KPNA7: variants seen among roughly 807,000 people sequenced by gnomAD.
KPNA7 encodes the protein karyopherin subunit alpha 7.
In KPNA7, 54 loss-of-function variants were observed where a neutral mutation model predicts 53.7. That is an observed-to-expected ratio of 1.01 (90% CI 0.81 to 1.26). KPNA7 has a LOEUF of 1.26. Among genes scored for constraint, KPNA7 ranks in the 50% most tolerant of loss-of-function variants. The probability of loss-of-function intolerance (pLI) is 0.00; values close to 1 mark genes in which losing one functional copy is unlikely to be tolerated. For missense variants in KPNA7, 640 were observed against 644.5 expected (o/e 0.99, Z 0.07); for synonymous variants, 276 against 259.3 (o/e 1.06, Z -0.62).
intron 6 of KPNA7, among the ~76,000 whole-genome samples, chr7:99,191,710 C>T (rs1377992694): frequency 3.3e-5 from 5 of 152,012 alleles, no homozygotes; most frequent in Admixed American, 6.6e-5. Context: ...GGCACAGTGG[C>T]GCAACCTTGG....
chr7:99,186,866 T>TA (rs1278188057), intron 7 of KPNA7, among the ~76,000 whole-genome samples: 1 of 152,080 alleles, frequency 6.6e-6, no homozygotes, highest in Non-Finnish European at 1.5e-5. Flanking sequence ...AGATGATCAC[T>TA]AAGGCTGCAG....
chr7:99,163,477 C>T, the KPNA7 span, among the ~76,000 whole-genome samples: 7 of 134,978 alleles, frequency 5.2e-5, no homozygotes, highest in East Asian at 1.2e-3. Flanking sequence ...TAACCTTGAA[C>T]TCCTGGGTTC....
chr7:99,183,100 C>CA (rs1451911989), intron 8 of KPNA7, among the ~76,000 whole-genome samples: 15 of 151,926 alleles, frequency 9.9e-5, no homozygotes, highest in African/African-American at 3.6e-4. Flanking sequence ...TATTAAAATA[C>CA]AAAAAATTAG....
chr7:99,158,415 G>A, the KPNA7 span, among the ~76,000 whole-genome samples: 3 of 151,672 alleles, frequency 2.0e-5, no homozygotes, highest in Non-Finnish European at 4.4e-5. Context: ...TATATAATTT[G>A]ATCTTTTCTA....
At chr7:99,167,144 CGGAGCCTGCTGTTCACACACCT>C in the KPNA7 span, among the ~76,000 whole-genome samples, 1 of 152,212 alleles carries the variant, frequency 6.6e-6, no homozygotes, top group South Asian at 2.1e-4. Flanking sequence ...GCTCCAGCCA[CGGAGCCTGCTGTTCACACACCT>C]GGAGCCAGCT....
chr7:99,174,791 C>CA (rs933193811), intron 10 of KPNA7, among the ~76,000 whole-genome samples: 5 of 151,532 alleles, frequency 3.3e-5, no homozygotes, highest in African/African-American at 1.2e-4. Flanking sequence ...ATCAAACCCC[C>CA]TTTAAAAGAG....
intron 9 of KPNA7, among the ~76,000 whole-genome samples, chr7:99,180,643 G>A (rs1175065570): frequency 3.7e-5 from 4 of 108,802 alleles, no homozygotes; most frequent in South Asian, 3.5e-4. Flanking sequence ...CTCTCTCTCC[G>A]TCTCTGTCTC....
Position 99,195,126 on chromosome 7 carries a change from G to A in KPNA7, c.497C>T (p.Ser166Phe). The part of the protein sequence containing the change: ...GAIQPLIELL[S>F]SSNVAVCEQA... The stretch of plus-strand genomic sequence containing the variant: ...TTCACACACAGCCACGTTGGAGGAA[G>A]ACAGGAGCTCAATCAAGGGCTGGAT... The change falls in exon 5 of 11, where the codon TCT becomes TTT. Residue 166 changes from serine (S) to phenylalanine (F), a missense_variant. Physicochemically the swap from Ser to Phe is radical, Grantham distance 155. Transcript: ENST00000327442. 1 of 1,551,632 alleles carries A rather than the reference G, an allele frequency of 6.4e-7. No homozygotes were observed. The highest frequency in any genetic ancestry group is 2.4e-5 in the East Asian group (1 of 40,906).
At chr7:99,185,745 T>C (rs760106477) in intron 7 of KPNA7, among the ~76,000 whole-genome samples, 2 of 152,196 alleles carry the variant, frequency 1.3e-5, no homozygotes, top group Non-Finnish European at 2.9e-5. Context: ...GGACTTTTCA[T>C]ATGCTTTCAG....
intron 8 of KPNA7, among the ~76,000 whole-genome samples, chr7:99,184,722 T>C (rs1789486900): frequency 6.6e-6 from 1 of 152,196 alleles, no homozygotes. Context: ...CATTGAATAA[T>C]GCTTGTTCCG....
chr7:99,146,712 A>T, the KPNA7 span, among the ~76,000 whole-genome samples: 155 of 720 alleles, frequency 0.22, no homozygotes, highest in African/African-American at 0.31. Context: ...ACTGTGTCTT[A>T]AAAAAAAAAA....
At chr7:99,148,582 G>C in the KPNA7 span, among the ~76,000 whole-genome samples, 1 of 152,004 alleles carries the variant, frequency 6.6e-6, no homozygotes, top group Admixed American at 6.6e-5. Context: ...GTAGTCCCTA[G>C]ATTAATAACT....
chr7:99,207,729 G>C (rs1203442737), intron 1 of KPNA7, among the ~76,000 whole-genome samples: 3 of 138,192 alleles, frequency 2.2e-5, no homozygotes, highest in Admixed American at 8.2e-5. Context: ...TCCGCCTCCC[G>C]GGTTCAAGTG....
chr7:99,204,945 T>C (rs549461301), intron 2 of KPNA7, among the ~76,000 whole-genome samples: 85 of 152,324 alleles, frequency 5.6e-4, no homozygotes, highest in African/African-American at 2.0e-3. Context: ...GAGCCCATCA[T>C]ACTGTTGCCC....
intron 3 of KPNA7, among the ~76,000 whole-genome samples, chr7:99,201,642 G>A (rs1440604034): frequency 5.4e-5 from 8 of 148,878 alleles, no homozygotes; most frequent in South Asian, 2.2e-4. Context: ...CAGCCTGGGC[G>A]ACAGAGTGAG....
downstream of KPNA7, among the ~76,000 whole-genome samples, chr7:99,172,455 C>CTA: frequency 6.6e-6 from 1 of 152,282 alleles, no homozygotes; most frequent in Non-Finnish European, 1.5e-5. Flanking sequence ...TTGCTTATGT[C>CTA]TGTAATCCCA....
chr7:99,186,696 T>C (rs1449603215), intron 7 of KPNA7, among the ~76,000 whole-genome samples: 1 of 151,832 alleles, frequency 6.6e-6, no homozygotes, highest in African/African-American at 2.4e-5. Flanking sequence ...GGAGCCAAGA[T>C]TGTATCACCA....
At chr7:99,160,017 G>GGTTTTTTTTTTTTTTTTTTTTTTT in the KPNA7 span, among the ~76,000 whole-genome samples, 1 of 67,662 alleles carries the variant, frequency 1.5e-5, no homozygotes, top group African/African-American at 5.8e-5. Flanking sequence ...TGTTGTTTTT[G>GGTTTTTTTTTTTTTTTTTTTTTTT]TTTTTTTTTT....
In KPNA7 at chr7:99,203,152, C is replaced by T. The variant is rs1207512536; in HGVS notation, c.155G>A (p.Ser52Asn). 1 of 1,551,682 alleles carries T rather than the reference C, an allele frequency of 6.4e-7. No individual in the cohort carries two copies. Among genetic ancestry groups the T allele is most frequent in the Non-Finnish European group, 8.7e-7 (1 of 1,146,986 alleles). ...TTCAGAAGGTGTGTCAGGGCAGAAGCTCGTGATATTCCTTCTCTTTAAGGT... is the reference window on the plus strand; with the variant it reads ...TTCAGAAGGTGTGTCAGGGCAGAAGTTCGTGATATTCCTTCTCTTTAAGGT... Reference protein sequence around the residue: ...EQTLKRRNITSFCPDTPSEKT... With the variant: ...EQTLKRRNITNFCPDTPSEKT... The change falls in exon 3 of 11, where the codon AGC (serine) becomes AAC (asparagine). Residue 52 changes from serine (S) to asparagine (N), a missense_variant. Transcript: ENST00000327442.
Sources: gnomAD v4.1 joint callset for allele counts (sites outside exome capture counted in the v4.1 genomes callset) on GRCh38, gnomAD v4.1.1 for gene constraint, MANE v1.5 for transcripts, NCBI Gene and HGNC (gene_info 2026-07-23, HGNC 2026-07-21) for gene names.